Variants in MIA2 observed in about 807,000 individuals in gnomAD.
The protein encoded by MIA2 is MIA SH3 domain ER export factor 2.
In MIA2, 127 loss-of-function variants were observed where a neutral mutation model predicts 167.8. The ratio of observed to expected loss-of-function variants is 0.76; its 90% CI spans 0.66 to 0.88. The LOEUF (loss-of-function observed/expected upper bound fraction) is 0.88, where lower values mean the gene tolerates loss of function less well. Among genes scored for constraint, MIA2 ranks in the 40% least tolerant of loss-of-function variants. The pLI is 0.00. For synonymous variants in MIA2, 552 were observed against 541.9 expected, an observed-to-expected ratio of 1.02 and a Z score of -0.26; for missense variants, 1,690 against 1,624.7, an observed-to-expected ratio of 1.04 and a Z score of -0.69.
At chr14:39,372,983 G>A (rs1328953136) in intron 23 of MIA2, among the ~76,000 whole-genome samples, 1 of 152,142 alleles carries the variant, frequency 6.6e-6, no homozygotes, top group Non-Finnish European at 1.5e-5. Flanking sequence ...CAAGGGGATT[G>A]GGTTTAGAGA....
rs751397355 is a variant in MIA2, at chr14:39,247,330, G to A, written c.756G>A (p.Arg252=). ...AACCTGTACAAGAAAGCTCATTTCG[G>A]AGTAGAAAAATAGCAGTGGAAGATG... ...VIEPVQESSF[R]SRKIAVEDEN... is the part of the protein sequence containing the mutation. Residue 252 remains arginine (R), a synonymous_variant, in exon 4 of 29, where the codon CGG becomes CGA. Transcript: ENST00000640607. 3.1e-6 allele frequency: 5 copies of A among 1,614,084 alleles called. No homozygotes were observed. The highest frequency in any genetic ancestry group is 4.2e-6 in the Non-Finnish European group (5 of 1,180,006).
At chr14:39,351,894 A>C (rs1595926568), downstream of MIA2, among the ~76,000 whole-genome samples, 1 of 152,320 alleles carries the variant, frequency 6.6e-6, no homozygotes, top group South Asian at 2.1e-4. Flanking sequence ...GGCGTGAGCC[A>C]CCGCGCCTGG....
chr14:39,309,403 A>G (rs910741862), intron 18 of MIA2, among the ~76,000 whole-genome samples: 1 of 152,038 alleles, frequency 6.6e-6, no homozygotes, highest in African/African-American at 2.4e-5. Context: ...TAGCTTATTC[A>G]TGTTCTTTTT....
At chr14:39,237,769 C>T (rs1305886214) in intron 2 of MIA2, among the ~76,000 whole-genome samples, 4 of 151,936 alleles carry the variant, frequency 2.6e-5, no homozygotes, top group East Asian at 1.9e-4. Flanking sequence ...GACAAAGTCT[C>T]GCTCTTGTTG....
chr14:39,283,064 G>A (rs969396442), intron 9 of MIA2, among the ~76,000 whole-genome samples: 1 of 152,182 alleles, frequency 6.6e-6, no homozygotes, highest in Non-Finnish European at 1.5e-5. Flanking sequence ...GTAGCAAATG[G>A]CAGGATCTCC....
chr14:39,376,218 T>C (rs1287431409), intron 23 of MIA2, among the ~76,000 whole-genome samples: 1 of 152,202 alleles, frequency 6.6e-6, no homozygotes, highest in Non-Finnish European at 1.5e-5. Flanking sequence ...CCTCCCAAAG[T>C]GCTGGGATTA....
At chr14:39,305,614 TTA>T (rs1256104773) in intron 17 of MIA2, among the ~76,000 whole-genome samples, 3 of 152,182 alleles carry the variant, frequency 2.0e-5, no homozygotes. Context: ...ACAGTGGTCT[TTA>T]TGTTACAATT....
chr14:39,344,005 C>G (rs1421190837), intron 25 of MIA2, among the ~76,000 whole-genome samples: 2 of 151,958 alleles, frequency 1.3e-5, no homozygotes, highest in Non-Finnish European at 2.9e-5. Flanking sequence ...TTTATTAAGA[C>G]ATTAATCACA....
At chr14:39,253,911 T>C (rs1030886043) in intron 6 of MIA2, among the ~76,000 whole-genome samples, 1 of 152,268 alleles carries the variant, frequency 6.6e-6, no homozygotes, top group African/African-American at 2.4e-5. Flanking sequence ...ACTGCTGTGA[T>C]AGAAATAATT....
At chr14:39,355,025 G>T (rs921951510), downstream of MIA2, among the ~76,000 whole-genome samples, 1 of 152,174 alleles carries the variant, frequency 6.6e-6, no homozygotes, top group East Asian at 1.9e-4. Flanking sequence ...TTTGGCTTAG[G>T]ATTGACTTGG....
intron 13 of MIA2, among the ~76,000 whole-genome samples, chr14:39,295,732 G>T (rs1040499190): frequency 6.6e-6 from 1 of 151,880 alleles, no homozygotes; most frequent in Non-Finnish European, 1.5e-5. Flanking sequence ...GCTAATTTTT[G>T]TATTTTTAGT....
At chr14:39,304,405 T>G in intron 17 of MIA2, 24 bp downstream of exon 17, 1 of 1,291,356 alleles carries the variant, frequency 7.7e-7, no homozygotes, top group South Asian at 1.5e-5. Flanking sequence ...ATACATACTT[T>G]TAATGTTTTT....
At chr14:39,379,200 A>T (rs1383689718) in intron 23 of MIA2, among the ~76,000 whole-genome samples, 1 of 152,080 alleles carries the variant, frequency 6.6e-6, no homozygotes, top group Non-Finnish European at 1.5e-5. Flanking sequence ...TTAATCTGAC[A>T]TGGGGCCCAG....
chr14:39,349,705 A>G (rs1240397754), intron 28 of MIA2, among the ~76,000 whole-genome samples: 3 of 152,214 alleles, frequency 2.0e-5, no homozygotes, highest in Admixed American at 6.5e-5. Flanking sequence ...GTTTTAGTAT[A>G]ATATCAAATT....
Position 39,276,999 on chromosome 14 carries a change from G to A in MIA2, c.1953G>A (p.Leu651=). The A allele has an allele frequency of 1.2e-6, 2 of 1,613,924 alleles. No individual in the cohort carries two copies. The highest frequency in any genetic ancestry group is 1.3e-5 in the African/African-American group (1 of 75,016). The change falls in exon 7 of 29, where the codon TTG becomes TTA. Residue 651 remains leucine (L), a synonymous_variant. Coordinates refer to ENST00000640607, the MANE Select transcript of MIA2 (RefSeq NM_001329214.4). ...DSNLYGFPWE[L]VICAAVVGFF... ...ATCTTTATGGTTTTCCATGGGAATTGGTGATATGTGCAGCTGTTGTTGGAT... is the reference window on the plus strand; with the variant it reads ...ATCTTTATGGTTTTCCATGGGAATTAGTGATATGTGCAGCTGTTGTTGGAT...
chr14:39,332,642 C>T (rs2069186374), intron 25 of MIA2, among the ~76,000 whole-genome samples: 2 of 152,120 alleles, frequency 1.3e-5, no homozygotes, highest in South Asian at 2.1e-4. Context: ...CTTCACGGCA[C>T]AGTCCCTCAT....
rs1566804615 is a variant in MIA2 at position 39,298,543 on chromosome 14, T to TTTTTTTTG, written c.2497-1314_2497-1313insGTTTTTTT. Reference sequence around the variant, plus strand: ...TGGTAGAACAGAGTTTTTTTTTTTTTTTTTTTTTTTTGTGAGCAACATGGC... The same window carrying TTTTTTTTG: ...TGGTAGAACAGAGTTTTTTTTTTTTTTTTTTTTGTTTTTTTTTTTGTGAGCAACATGGC... On this transcript the variant is annotated intron_variant, in intron 13 of 28. Transcript: ENST00000640607. Among the ~76,000 whole-genome samples the TTTTTTTTG allele has an allele frequency of 1.1e-3, 113 of 107,200 alleles. 15 individuals carry two copies. Among genetic ancestry groups the TTTTTTTTG allele is most frequent in the African/African-American group, 3.1e-3 (91 of 29,210 alleles). The allele number at this position is 107,200 out of a possible 152,430, so 70.3% of individuals were successfully genotyped here. A position where few individuals can be genotyped will look rare whatever the true frequency, so the allele number is the denominator to read the frequency against.
chr14:39,337,697 A>C (rs536906248), intron 25 of MIA2, among the ~76,000 whole-genome samples: 42 of 152,222 alleles, frequency 2.8e-4, no homozygotes, highest in African/African-American at 1.0e-3. Context: ...AAGTTTACAT[A>C]CTGTGTTATT....
intron 23 of MIA2, among the ~76,000 whole-genome samples, chr14:39,359,672 TC>T (rs1190882361): frequency 1.3e-5 from 2 of 152,182 alleles, no homozygotes; most frequent in Non-Finnish European, 2.9e-5. Flanking sequence ...CTGGAGCTGT[TC>T]CTATTTGGCT....
Sources: allele counts gnomAD v4.1 joint callset (sites outside exome capture counted in the v4.1 genomes callset), GRCh38; gene constraint gnomAD v4.1.1; transcripts MANE v1.5; gene names NCBI Gene and HGNC (gene_info 2026-07-23, HGNC 2026-07-21).